TEX11: variants seen among roughly 807,000 people sequenced by gnomAD.
TEX11 encodes testis-expressed protein 11.
Under a neutral mutation model 84.4 loss-of-function variants are expected in TEX11, and 7 were observed. That is an observed-to-expected ratio of 0.08 (90% CI 0.05 to 0.16). The LOEUF (loss-of-function observed/expected upper bound fraction) is 0.16, where lower values mean the gene tolerates loss of function less well. Ranked by LOEUF, TEX11 falls within the 10% of genes least tolerant of loss-of-function variation. The probability of loss-of-function intolerance (pLI) is 1.00; values close to 1 mark genes in which losing one functional copy is unlikely to be tolerated. For missense variants in TEX11, 551 were observed against 660.5 expected, an observed-to-expected ratio of 0.83 and a Z score of 1.82; for synonymous variants, 264 against 222.8, an observed-to-expected ratio of 1.18 and a Z score of -1.64.
intron 9 of TEX11, among the ~76,000 whole-genome samples, chrX:70,797,969 C>T (rs929415944): frequency 5.1e-5 from 5 of 97,603 alleles, no homozygotes; most frequent in African/African-American, 1.9e-4. Context: ...TGCCCACTCT[C>T]ACCACTTCTA....
In TEX11 at chrX:70,605,648, G is replaced by T. The variant is rs1008065283; in HGVS notation, c.1951-131C>A. ...AGCTGGAAAAGCACATGTCACCATA[G>T]AAATGATATAAACTATAATACTGAT... On this transcript the variant is annotated intron_variant, in intron 23 of 29. Coordinates refer to ENST00000374333, the MANE Select transcript of TEX11 (RefSeq NM_031276.3). 154 of 447,446 alleles carry T rather than the reference G, an allele frequency of 3.4e-4. 2 individuals are homozygous for T. The East Asian group carries it at 5.9e-3, about 17-fold the overall frequency. The allele number at this position is 447,446 out of a possible 1,213,427, so 36.9% of individuals were successfully genotyped here. A position where few individuals can be genotyped will look rare whatever the true frequency, so the allele number is the denominator to read the frequency against.
In TEX11 at chrX:70,845,409, G is replaced by A. The variant is rs190520719; in HGVS notation, c.525+7625C>T. 9.0e-3 allele frequency among the ~76,000 whole-genome samples: 992 copies of A among 110,382 alleles called. 13 individuals carry two copies. Among genetic ancestry groups the A allele is most frequent in the African/African-American group, 0.031 (929 of 30,458 alleles). On this transcript the variant is annotated intron_variant, in intron 7 of 29. Transcript: ENST00000374333. ...ACTCCTGACCTCAGGCGATCCGCCC[G>A]CCTCGGCCTCCCAAAGTGATGGGAT... is the stretch of plus-strand genomic sequence containing the variant.
At chrX:70,703,058 G>A (rs978012867) in intron 13 of TEX11, among the ~76,000 whole-genome samples, 11 of 110,973 alleles carry the variant, frequency 9.9e-5, no homozygotes, top group African/African-American at 3.6e-4. Context: ...GCAACCTTAT[G>A]AAGTAGGTAC....
At chrX:70,788,971 TATAGAG>T (rs1383335398) in intron 9 of TEX11, among the ~76,000 whole-genome samples, 8 of 18,860 alleles carry the variant, frequency 4.2e-4, no homozygotes, top group Admixed American at 7.6e-4. Context: ...TATATATATA[TATAGAG>T]AGAGAGAGAG....
At chrX:70,903,757 A>G (rs773946531) in intron 2 of TEX11, among the ~76,000 whole-genome samples, 1 of 110,024 alleles carries the variant, frequency 9.1e-6, no homozygotes, top group African/African-American at 3.3e-5. Flanking sequence ...GTTGAAGATG[A>G]CATGCAGAAA....
intron 17 of TEX11, among the ~76,000 whole-genome samples, chrX:70,631,553 T>C (rs1050705964): frequency 7.1e-4 from 74 of 103,543 alleles, no homozygotes; most frequent in African/African-American, 2.4e-3. Context: ...GATTGTGTTG[T>C]TGTAAGCTAT....
At chrX:70,849,776 A>G (rs2091497684) in intron 7 of TEX11, among the ~76,000 whole-genome samples, 1 of 112,312 alleles carries the variant, frequency 8.9e-6, no homozygotes, top group South Asian at 3.7e-4. Flanking sequence ...GTCAAGAATT[A>G]TATAGTTCTC....
chrX:70,624,425 T>A (rs772148549), intron 19 of TEX11, among the ~76,000 whole-genome samples: 194 of 111,658 alleles, frequency 1.7e-3, no homozygotes, highest in African/African-American at 4.5e-3. Context: ...GGCAGCATAA[T>A]GACAAACTGA....
intron 8 of TEX11, among the ~76,000 whole-genome samples, chrX:70,811,000 T>C (rs2091249471): frequency 8.9e-6 from 1 of 111,798 alleles, no homozygotes; most frequent in Non-Finnish European, 1.9e-5. Context: ...GAACATGTCG[T>C]TACAAATATT....
At position 70,835,038 on chromosome X, in the gene TEX11, A is replaced by G. The variant is rs1040217567; in HGVS notation, c.526-1445T>C. Among the ~76,000 whole-genome samples the G allele has an allele frequency of 2.7e-5, 3 of 111,051 alleles. No homozygotes were observed. In the Admixed American group the frequency reaches 2.9e-4, roughly 11 times the overall value. On this transcript the variant is annotated intron_variant, in intron 7 of 29. Transcript: ENST00000374333. ...CTCTTATAAGGCTTTAATACTAGAT[A>G]TTATTAAAGGGGAAAATAAATTGCT...
intron 13 of TEX11, among the ~76,000 whole-genome samples, chrX:70,707,899 A>G (rs1473983532): frequency 9.0e-6 from 1 of 111,007 alleles, no homozygotes. Flanking sequence ...CCCAAAAGCA[A>G]TTGCAACAAA....
chrX:70,567,616 G>A (rs1346051168), intron 25 of TEX11, among the ~76,000 whole-genome samples: 6 of 110,957 alleles, frequency 5.4e-5, no homozygotes, highest in East Asian at 2.8e-4. Context: ...CTTTGTTCTC[G>A]TTGGTTTCAA....
At chrX:70,870,073 G>C (rs1158863264) in intron 4 of TEX11, among the ~76,000 whole-genome samples, 1 of 111,431 alleles carries the variant, frequency 9.0e-6, no homozygotes, top group Non-Finnish European at 1.9e-5. Flanking sequence ...TTGAACATCC[G>C]CTTTACTCTG....
intron 20 of TEX11, among the ~76,000 whole-genome samples, chrX:70,618,506 A>C (rs2089345437): frequency 1.8e-5 from 2 of 111,718 alleles, no homozygotes; most frequent in Non-Finnish European, 3.8e-5. Context: ...GTACCCTCTG[A>C]AGCACAAAAT....
At chrX:70,815,533 T>C (rs1393808716) in intron 8 of TEX11, among the ~76,000 whole-genome samples, 1 of 111,945 alleles carries the variant, frequency 8.9e-6, no homozygotes, top group Non-Finnish European at 1.9e-5. Flanking sequence ...AATTTTATTA[T>C]AGGATATTGT....
At chrX:70,571,009 G>GTGTTGT (rs141569205) in intron 25 of TEX11, among the ~76,000 whole-genome samples, 11 of 109,612 alleles carry the variant, frequency 1.0e-4, no homozygotes, top group Admixed American at 3.9e-4. Context: ...TTGATTTTCT[G>GTGTTGT]TGTTGTTGTT....
At chrX:70,882,597 A>T (rs1338377158) in intron 2 of TEX11, among the ~76,000 whole-genome samples, 1 of 111,356 alleles carries the variant, frequency 9.0e-6, no homozygotes, top group Non-Finnish European at 1.9e-5. Flanking sequence ...CCTGGGGAAC[A>T]CAGTGAGACT....
chrX:70,576,755 G>A (rs867180028), intron 25 of TEX11, among the ~76,000 whole-genome samples: 2 of 112,472 alleles, frequency 1.8e-5, no homozygotes, highest in Non-Finnish European at 1.9e-5. Context: ...TTATAGTCTA[G>A]GGTATTTGTG....
chrX:70,679,617 C>T (rs1209144724), intron 14 of TEX11, among the ~76,000 whole-genome samples: 13 of 107,269 alleles, frequency 1.2e-4, no homozygotes, highest in African/African-American at 4.4e-4. Context: ...TGAGGAGCCC[C>T]TCCGCCCGGC....
Sources: allele counts gnomAD v4.1 joint callset (sites outside exome capture counted in the v4.1 genomes callset), GRCh38; gene constraint gnomAD v4.1.1; transcripts MANE v1.5; gene names NCBI Gene and HGNC (gene_info 2026-07-23, HGNC 2026-07-21).